HMCN2: variants seen among roughly 807,000 people sequenced by gnomAD.
HMCN2 encodes hemicentin-2.
HMCN2 carries 325 observed loss-of-function variants against 377.5 expected under a neutral mutation model. That is an observed-to-expected ratio of 0.86 (90% CI 0.79 to 0.94). The LOEUF (loss-of-function observed/expected upper bound fraction) is 0.94, where lower values mean the gene tolerates loss of function less well. Ranked by LOEUF, HMCN2 falls within the 40% of genes least tolerant of loss-of-function variation. HMCN2 has a pLI of 0.00. For synonymous variants in HMCN2, 2,007 were observed against 2,046.8 expected, an observed-to-expected ratio of 0.98 and a Z score of 0.53; for missense variants, 4,543 against 4,725.3, an observed-to-expected ratio of 0.96 and a Z score of 1.13.
intron 11 of HMCN2, 61 bp downstream of exon 11, chr9:130,305,063 A>G: frequency 9.2e-6 from 4 of 436,460 alleles, no homozygotes; most frequent in South Asian, 5.0e-5. Context: ...TGTTTACCCC[A>G]GAAGCCGCGA....
chr9:130,420,065 C>CTTTTTT (rs10586199), intron 86 of HMCN2, among the ~76,000 whole-genome samples: 52 of 77,030 alleles, frequency 6.8e-4, no homozygotes, highest in East Asian at 1.2e-3. Flanking sequence ...CGTCCCACTT[C>CTTTTTT]TTTTTTTTTT....
At chr9:130,305,159 GT>G (rs1202953328) in intron 11 of HMCN2, among the ~76,000 whole-genome samples, 157 bp downstream of exon 11, 50 of 152,324 alleles carry the variant, frequency 3.3e-4, no homozygotes, top group Non-Finnish European at 2.6e-4. Flanking sequence ...AGAGAATACT[GT>G]AGCCTCCTAG....
Position 130,351,814 on chromosome 9 carries a change from C to CT in HMCN2, c.4585+239dup, listed in dbSNP as rs200190526. ...CCATCCCAGCTCTAAAAATTTACTA[C>CT]TTATGTTTTTTTTTTGAGATGAATT... On this transcript the variant is annotated intron_variant, in intron 30 of 97. Transcript: ENST00000683500. This position sits in a 1 kb window ranked among gnomAD's most constrained non-coding sequence, Gnocchi z 5.4. 5.3e-4 allele frequency among the ~76,000 whole-genome samples: 80 copies of CT among 151,170 alleles called. No individual in the cohort carries two copies. The highest frequency in any genetic ancestry group is 1.3e-3 in the African/African-American group (55 of 41,120).
In HMCN2 at chr9:130,391,269, C is replaced by T. The variant is rs576775940; in HGVS notation, c.9733C>T (p.Arg3245Trp). 5.1e-6 allele frequency: 5 copies of T among 987,596 alleles called. No homozygotes were observed. In the East Asian group the frequency reaches 3.4e-4, roughly 67 times the overall value. The allele number at this position is 987,596 out of a possible 1,614,324, so 61.2% of individuals were successfully genotyped here. Residue 3245 changes from arginine to tryptophan, a missense_variant, in exon 64 of 98, where the codon CGG (arginine) becomes TGG (tryptophan). By Grantham distance (101) the Arg-to-Trp change is moderately radical (BLOSUM62 -3). Around this residue, in one of 5 missense-constraint regions of HMCN2, gnomAD observed 736 missense variants for 773.2 expected, o/e 0.95. Transcript: ENST00000683500. ...EHHVLEGQEV[R>W]LDCEADGQPP... ...CCATGTCTTGGAAGGGCAGGAGGTGCGGCTGGACTGTGAGGCCGATGGGCA... is the reference window on the plus strand; with the variant it reads ...CCATGTCTTGGAAGGGCAGGAGGTGTGGCTGGACTGTGAGGCCGATGGGCA...
chr9:130,392,666 T>C (rs1360643619), intron 66 of HMCN2, among the ~76,000 whole-genome samples: 6 of 152,038 alleles, frequency 3.9e-5, no homozygotes, highest in African/African-American at 1.4e-4. Flanking sequence ...TGGAGGCAGC[T>C]GGAGGCTTTA....
rs1842423485 is a variant in HMCN2 at position 130,393,136 on chromosome 9, GTCTCTCTCCCTTTCTCTTCCTCTC to G, written c.10137-57_10137-34del. 1 of 913,632 alleles carries G rather than the reference GTCTCTCTCCCTTTCTCTTCCTCTC, an allele frequency of 1.1e-6. No homozygotes were observed. Among genetic ancestry groups the G allele is most frequent in the Non-Finnish European group, 1.3e-6 (1 of 762,506 alleles). 56.6% of individuals were successfully genotyped at this position (913,632 alleles called of 1,614,324 possible). On this transcript the variant is annotated intron_variant, in intron 66 of 97. Transcript: ENST00000683500. This position sits in a 1 kb window ranked among gnomAD's most constrained non-coding sequence, Gnocchi z 5.2. Reference sequence around the variant, plus strand: ...TCTTTCCACGCAGCCAGCCTCTCCTGTCTCTCTCCCTTTCTCTTCCTCTCTCTCTCTCCCTTTCTCTTGTCTCCT... The same window carrying G: ...TCTTTCCACGCAGCCAGCCTCTCCTGTCTCTCTCCCTTTCTCTTGTCTCCT...
chr9:130,337,579 T>C (rs1838820358), intron 22 of HMCN2, among the ~76,000 whole-genome samples: 1 of 151,922 alleles, frequency 6.6e-6, no homozygotes, highest in African/African-American at 2.4e-5. Context: ...ATTTTACAGA[T>C]GAGGAAATGG....
Position 130,377,906 on chromosome 9 carries a change from C to G in HMCN2, c.8212+107C>G, listed in dbSNP as rs570880601. The G allele has an allele frequency of 4.7e-6, 4 of 853,592 alleles. No homozygotes were observed. In the South Asian group the frequency reaches 1.6e-4, roughly 34 times the overall value. 52.9% of individuals were successfully genotyped at this position (853,592 alleles called of 1,614,324 possible). A position where few individuals can be genotyped will look rare whatever the true frequency, so the allele number is the denominator to read the frequency against. On this transcript the variant is annotated intron_variant, in intron 53 of 97. Coordinates refer to ENST00000683500, the MANE Select transcript of HMCN2 (RefSeq NM_001291815.2). ...ATGTGTCCTGCAGCTCACGCGCCAC[C>G]CGTGGCATCTCCCACTGGCTCATCT...
At chr9:130,362,790 G>A in intron 39 of HMCN2, 77 bp from the exon 40 acceptor site, 1 of 977,914 alleles carries the variant, frequency 1.0e-6, no homozygotes, top group Non-Finnish European at 1.2e-6. Context: ...GGCCGGCTTG[G>A]GCAGGTGGGG....
chr9:130,366,604 C>T (rs537491801), intron 43 of HMCN2, among the ~76,000 whole-genome samples: 44 of 150,994 alleles, frequency 2.9e-4, no homozygotes, highest in African/African-American at 9.2e-4. Context: ...CAGGCAGGTG[C>T]CACCATGCCC....
intron 15 of HMCN2, among the ~76,000 whole-genome samples, chr9:130,311,742 G>A (rs1348396634): frequency 1.3e-5 from 2 of 152,200 alleles, no homozygotes; most frequent in African/African-American, 4.8e-5. Flanking sequence ...GACAAGAGAA[G>A]TGAGGCAGAG....
At chr9:130,405,150 C>A (rs1843031760) in intron 81 of HMCN2, 91 bp downstream of exon 81, 2 of 858,532 alleles carry the variant, frequency 2.3e-6, no homozygotes, top group South Asian at 2.4e-5. Context: ...AGCCTTTAAC[C>A]CTGGGAGCCT....
chr9:130,401,615 G>A (rs954817747), intron 77 of HMCN2, among the ~76,000 whole-genome samples: 1 of 152,142 alleles, frequency 6.6e-6, no homozygotes, highest in African/African-American at 2.4e-5. Flanking sequence ...GAGCCACCAT[G>A]CCTGGCCTAA....
chr9:130,285,476 C>T lies in HMCN2; in HGVS notation c.489+160C>T, dbSNP rs4837490. Reference sequence around the variant, plus strand: ...CTCTGCCATGCATGGCCAGAGCCTCCGAACCAAGTTGGCCCAGGAAGTGTG... The same window carrying T: ...CTCTGCCATGCATGGCCAGAGCCTCTGAACCAAGTTGGCCCAGGAAGTGTG... On this transcript the variant is annotated intron_variant, in intron 3 of 97. Coordinates refer to ENST00000683500, the MANE Select transcript of HMCN2 (RefSeq NM_001291815.2). Among the ~76,000 whole-genome samples, 239 of 152,204 alleles carry T rather than the reference C, an allele frequency of 1.6e-3. 2 individuals carry two copies. Among genetic ancestry groups the T allele is most frequent in the African/African-American group, 5.7e-3 (235 of 41,544 alleles).
In HMCN2 at chr9:130,293,279, G is replaced by GTTTTTTTTTTTTTTTTTTTTTTTTTTTTT. The variant is rs71387339; in HGVS notation, c.613-1555_613-1554insTTTTTTTTTTTTTTTTTTTTTTTTTTTTT. Among the ~76,000 whole-genome samples, 27 of 57,122 alleles carry GTTTTTTTTTTTTTTTTTTTTTTTTTTTTT rather than the reference G, an allele frequency of 4.7e-4. 4 individuals carry two copies. The highest frequency in any genetic ancestry group is 1.7e-3 in the African/African-American group (15 of 8,886). 37.5% of individuals were successfully genotyped at this position (57,122 alleles called of 152,430 possible). On this transcript the variant is annotated intron_variant, in intron 4 of 97. Transcript: ENST00000683500. ...TTCCAAATAAAATCTACTCACTAAA[G>GTTTTTTTTTTTTTTTTTTTTTTTTTTTTT]TTTTTTTTTTTTTTTTTTTTTGCGG...
intron 48 of HMCN2, among the ~76,000 whole-genome samples, chr9:130,373,386 C>T (rs1205312130): frequency 6.6e-6 from 1 of 152,200 alleles, no homozygotes; most frequent in Non-Finnish European, 1.5e-5. Context: ...CCCTAAGGCT[C>T]AGTGGGCCAT....
rs901067902 is a variant in HMCN2 at position 130,392,040 on chromosome 9, A to G, written c.10058A>G (p.His3353Arg). ...CCTGTGCGGGGCTCCCCGCCCATCC[A>G]CGTGAGCTGGCTCAAGGACGGCCTG... is the stretch of plus-strand genomic sequence containing the variant. ...VCPVRGSPPI[H>R]VSWLKDGLPL... is the part of the protein sequence containing the mutation. Residue 3353 changes from histidine to arginine, a missense_variant, in exon 66 of 98, where the codon CAC becomes CGC. His to Arg is a conservative substitution (Grantham distance 29, BLOSUM62 0). Coordinates refer to ENST00000683500, the MANE Select transcript of HMCN2 (RefSeq NM_001291815.2). The G allele has an allele frequency of 1.4e-5, 14 of 988,190 alleles. No homozygotes were observed. In the African/African-American group the frequency reaches 2.1e-4, roughly 15 times the overall value. The allele number at this position is 988,190 out of a possible 1,614,324, so 61.2% of individuals were successfully genotyped here. A position where few individuals can be genotyped will look rare whatever the true frequency, so the allele number is the denominator to read the frequency against.
intron 54 of HMCN2, among the ~76,000 whole-genome samples, chr9:130,380,922 C>T (rs188902945): frequency 2.1e-5 from 3 of 141,356 alleles, no homozygotes; most frequent in African/African-American, 7.6e-5. Context: ...ATCCTGACCC[C>T]AAGTCCTGGG....
At chr9:130,275,105 C>T (rs1308411579) in intron 1 of HMCN2, among the ~76,000 whole-genome samples, 1 of 152,146 alleles carries the variant, frequency 6.6e-6, no homozygotes, top group African/African-American at 2.4e-5. Flanking sequence ...ACACCGCCGC[C>T]AGCATCCGGG....
Sources: gnomAD v4.1 joint callset for allele counts (sites outside exome capture counted in the v4.1 genomes callset) on GRCh38, gnomAD v4.1.1 for gene constraint, gnomAD v4.1.1 regional missense constraint, Gnocchi (gnomAD v3.1) non-coding constraint, MANE v1.5 for transcripts, NCBI Gene and HGNC (gene_info 2026-07-23, HGNC 2026-07-21) for gene names.